Variants in SLC7A1 observed in about 807,000 individuals in gnomAD.
SLC7A1 encodes the protein solute carrier family 7 member 1.
Under a neutral mutation model 53.9 loss-of-function variants are expected in SLC7A1, and 10 were observed. That is an observed-to-expected ratio of 0.19 (90% CI 0.11 to 0.31). The LOEUF (loss-of-function observed/expected upper bound fraction) is 0.31, where lower values mean the gene tolerates loss of function less well. Among genes scored for constraint, SLC7A1 ranks in the 10% least tolerant of loss-of-function variants. The probability of loss-of-function intolerance (pLI) is 1.00; values close to 1 mark genes in which losing one functional copy is unlikely to be tolerated. For synonymous variants in SLC7A1, 342 were observed against 338.7 expected (o/e 1.01, Z -0.11); for missense variants, 525 against 827.2 (o/e 0.63, Z 4.48).
At chr13:29,572,660 G>A (rs1261791876) in intron 1 of SLC7A1, among the ~76,000 whole-genome samples, 1 of 152,228 alleles carries the variant, frequency 6.6e-6, no homozygotes, top group African/African-American at 2.4e-5. Flanking sequence ...GTAAGGCACT[G>A]TGGCCCTACC....
chr13:29,551,363 C>T (rs1870175835), intron 2 of SLC7A1, among the ~76,000 whole-genome samples: 1 of 152,188 alleles, frequency 6.6e-6, no homozygotes, highest in African/African-American at 2.4e-5. Context: ...GACCGAAAGG[C>T]CTCCAGGAGA....
Position 29,541,216 on chromosome 13 carries a change from C to T in SLC7A1, c.-14-5014G>A, listed in dbSNP as rs552381029. On this transcript the variant is annotated intron_variant, in intron 2 of 12. Transcript: ENST00000380752. ...AGAACTTACATTTTGAAAAACAAGT[C>T]AGATCAGATGGGACTAGCGGACACT... Among the ~76,000 whole-genome samples, 7 of 152,218 alleles carry T rather than the reference C, an allele frequency of 4.6e-5. No homozygotes were observed. The South Asian group carries it at 1.2e-3, about 27-fold the overall frequency.
In SLC7A1 at chr13:29,517,159, G is replaced by A. The variant is rs141838102; in HGVS notation, c.1662C>T (p.Thr554=). ...AGCTGCTCACCTTAAATGAGAGCTT[G>A]GTCTTGCTCTCGGGCTGCCTCCAGA... ...GVIWRQPESK[T]KLSFKVPFLP... is the part of the protein sequence containing the mutation. Residue 554 remains threonine (T), a synonymous_variant, in exon 11 of 13, where the codon ACC becomes ACT. Coordinates refer to ENST00000380752, the MANE Select transcript of SLC7A1 (RefSeq NM_003045.5). 7.2e-4 allele frequency: 1,159 copies of A among 1,609,052 alleles called. 8 individuals carry two copies. The highest frequency in any genetic ancestry group is 6.3e-3 in the Middle Eastern group (38 of 6,030).
intron 1 of SLC7A1, among the ~76,000 whole-genome samples, chr13:29,579,451 C>A (rs1438363027): frequency 6.6e-6 from 1 of 152,020 alleles, no homozygotes; most frequent in African/African-American, 2.4e-5. Flanking sequence ...ACCTCCGCCT[C>A]CTGAGTTCAA....
chr13:29,524,360 C>T (rs1490235503), intron 5 of SLC7A1, 107 bp from the exon 6 acceptor site: 29 of 1,395,410 alleles, frequency 2.1e-5, no homozygotes, highest in Non-Finnish European at 2.8e-5. Flanking sequence ...TCAGCCCTCC[C>T]TGTTACCGCT....
intron 3 of SLC7A1, among the ~76,000 whole-genome samples, chr13:29,533,279 T>C (rs1161609051): frequency 6.6e-6 from 1 of 151,772 alleles, no homozygotes; most frequent in East Asian, 1.9e-4. Flanking sequence ...AGTGTTACCC[T>C]TACCACCTGA....
At chr13:29,557,736 G>A (rs1476282593) in intron 1 of SLC7A1, among the ~76,000 whole-genome samples, 1 of 123,982 alleles carries the variant, frequency 8.1e-6, no homozygotes, top group Non-Finnish European at 1.7e-5. Flanking sequence ...GAATGTGAGT[G>A]AGGAGGAGTG....
In SLC7A1 at chr13:29,522,369, A is replaced by G. The variant is rs1593541391; in HGVS notation, c.1137T>C (p.Asn379=). 1 of 1,614,206 alleles carries G rather than the reference A, an allele frequency of 6.2e-7. No homozygotes were observed. Among genetic ancestry groups the G allele is most frequent in the African/African-American group, 1.3e-5 (1 of 75,052 alleles). Residue 379 remains asparagine, a synonymous_variant, in exon 8 of 13, where the codon AAT becomes AAC. Coordinates refer to ENST00000380752, the MANE Select transcript of SLC7A1 (RefSeq NM_003045.5). The stretch of plus-strand genomic sequence containing the variant: ...CGATTATTGGTGTTTTGGTCCTATC[A>G]TTGACGTTGGCTAAGAATTTAAATA... ...GLLFKFLANV[N]DRTKTPIIAT...
chr13:29,536,000 G>C lies in SLC7A1; in HGVS notation c.189C>G (p.Gly63=). 1 of 1,614,054 alleles carries C rather than the reference G, an allele frequency of 6.2e-7. No homozygotes were observed. Among genetic ancestry groups the C allele is most frequent in the Non-Finnish European group, 8.5e-7 (1 of 1,180,034 alleles). ...TCAGGAAGGAGATGACAATGGCAGG[G>C]CCTGCATTCTCACGGGCCACAGCTC... The part of the protein sequence containing the change: ...LAGAVARENA[G]PAIVISFLIA... Residue 63 remains glycine (G), a synonymous_variant, in exon 3 of 13, where the codon GGC becomes GGG. Coordinates refer to ENST00000380752, the MANE Select transcript of SLC7A1 (RefSeq NM_003045.5).
intron 2 of SLC7A1, among the ~76,000 whole-genome samples, chr13:29,541,973 G>A (rs1869684574): frequency 6.6e-6 from 1 of 152,106 alleles, no homozygotes. Context: ...CAAAATATTA[G>A]TAGCAGTAAT....
chr13:29,560,176 G>T (rs1447756270), intron 1 of SLC7A1, among the ~76,000 whole-genome samples: 1 of 151,292 alleles, frequency 6.6e-6, no homozygotes, highest in Non-Finnish European at 1.5e-5. Flanking sequence ...TAAAAACCAA[G>T]ATGCAGACAA....
chr13:29,568,654 T>C (rs1421638960), intron 1 of SLC7A1, among the ~76,000 whole-genome samples: 5 of 152,242 alleles, frequency 3.3e-5, no homozygotes, highest in Middle Eastern at 3.2e-3. Flanking sequence ...CACTTTTGTA[T>C]TGACCATGAA....
At chr13:29,543,649 G>A (rs1279468656) in intron 2 of SLC7A1, among the ~76,000 whole-genome samples, 2 of 151,782 alleles carry the variant, frequency 1.3e-5, no homozygotes, top group Non-Finnish European at 2.9e-5. Flanking sequence ...TCCCCAGGAG[G>A]AGGGAGAAGG....
chr13:29,545,535 C>T (rs1869879328), intron 2 of SLC7A1, among the ~76,000 whole-genome samples: 1 of 152,204 alleles, frequency 6.6e-6, no homozygotes, highest in South Asian at 2.1e-4. Flanking sequence ...TAGGAAACGC[C>T]CAGAAAACAG....
At chr13:29,554,328 G>A (rs1235952715) in intron 1 of SLC7A1, among the ~76,000 whole-genome samples, 10 of 152,146 alleles carry the variant, frequency 6.6e-5, no homozygotes, top group Non-Finnish European at 1.5e-4. Flanking sequence ...ACTCCAATTC[G>A]TACAATCGAG....
rs1872279629 is a variant in SLC7A1, at chr13:29,595,553, G to A, written c.-252C>T. ...GGGCGCGGCGCGCGGGGAGAGGAGT[G>A]GAGGCTGCGGTTAGCGGGAGCCCGC... On this transcript the variant is annotated 5_prime_UTR_variant, in exon 1 of 13. Coordinates refer to ENST00000380752, the MANE Select transcript of SLC7A1 (RefSeq NM_003045.5). 1 of 151,222 alleles carries A rather than the reference G, an allele frequency of 6.6e-6. No homozygotes were observed. Among genetic ancestry groups the A allele is most frequent in the South Asian group, 2.0e-4 (1 of 5,116 alleles). The allele number at this position is 151,222 out of a possible 1,614,324, so 9.4% of individuals were successfully genotyped here.
Position 29,530,666 on chromosome 13 carries a change from T to A in SLC7A1, c.576A>T (p.Ile192=). The change falls in exon 5 of 13, where the codon ATA becomes ATT. Residue 192 remains isoleucine, a synonymous_variant. Transcript: ENST00000380752. ...GGACCAGGACGTTAATACAAGTGAATATTTTGTTGACCATGGCCGACTCTT... is the reference window on the plus strand; with the variant it reads ...GGACCAGGACGTTAATACAAGTGAAAATTTTGTTGACCATGGCCGACTCTT... The part of the protein sequence containing the change: ...GVKESAMVNK[I]FTCINVLVLG... 1 of 1,614,184 alleles carries A rather than the reference T, an allele frequency of 6.2e-7. No individual in the cohort carries two copies. The highest frequency in any genetic ancestry group is 1.6e-4 in the Middle Eastern group (1 of 6,062).
In SLC7A1 at chr13:29,519,606, AG is replaced by A. The variant is rs34847757; in HGVS notation, c.1190-58del. ...GGGCCATCTGCATGCAATGACAACCAGGACCACCACTGCCGCCCACCATCCA... is the reference window on the plus strand; with the variant it reads ...GGGCCATCTGCATGCAATGACAACCAGACCACCACTGCCGCCCACCATCCA... On this transcript the variant is annotated intron_variant, in intron 8 of 12. Coordinates refer to ENST00000380752, the MANE Select transcript of SLC7A1 (RefSeq NM_003045.5). 5 of 1,111,654 alleles carry A rather than the reference AG, an allele frequency of 4.5e-6. No individual in the cohort carries two copies. The East Asian group carries it at 1.2e-4, about 27-fold the overall frequency. 68.9% of individuals were successfully genotyped at this position (1,111,654 alleles called of 1,614,324 possible).
chr13:29,542,231 G>C (rs1471950357), intron 2 of SLC7A1, among the ~76,000 whole-genome samples: 1 of 152,150 alleles, frequency 6.6e-6, no homozygotes, highest in Non-Finnish European at 1.5e-5. Flanking sequence ...GAGGTGGGTG[G>C]ATCACCTGAG....
Sources: gnomAD v4.1 joint callset for allele counts (sites outside exome capture counted in the v4.1 genomes callset) on GRCh38, gnomAD v4.1.1 for gene constraint, MANE v1.5 for transcripts, NCBI Gene and HGNC (gene_info 2026-07-23, HGNC 2026-07-21) for gene names.